CD96: variants seen among roughly 807,000 people sequenced by gnomAD.
CD96 encodes the protein T-cell surface protein tactile.
A neutral mutation model predicts 71.3 loss-of-function variants in CD96; 70 were observed. The observed-to-expected ratio is 0.98, with a 90% CI of 0.81 to 1.20. The LOEUF is 1.20. Ranked by LOEUF, CD96 falls within the 50% of genes most tolerant of loss-of-function variation. The pLI, the probability that CD96 is intolerant of heterozygous loss-of-function variation, is 0.00. For missense variants in CD96, 742 were observed against 677.5 expected (o/e 1.10, Z -1.06); for synonymous variants, 248 against 233.0 (o/e 1.06, Z -0.59).
chr3:111,665,493 T>C (rs1347158130), intron 14 of CD96: 2 of 152,094 alleles, frequency 1.3e-5, no homozygotes, highest in African/African-American at 4.8e-5. Context: ...AGTTCGCTGT[T>C]TTTATATCAT....
chr3:111,626,736 A>G, intron 10 of CD96, among the ~76,000 whole-genome samples: 1 of 152,226 alleles, frequency 6.6e-6, no homozygotes, highest in South Asian at 2.1e-4. Context: ...AAAATATAAT[A>G]TTAAAGAGCA....
chr3:111,665,523 C>G (rs1180174676), intron 14 of CD96: 1 of 152,106 alleles, frequency 6.6e-6, no homozygotes, highest in Non-Finnish European at 1.5e-5. Context: ...TTATTCTACC[C>G]TAGGTATTGG....
At chr3:111,616,085 C>T (rs925448166) in intron 8 of CD96, among the ~76,000 whole-genome samples, 1 of 152,052 alleles carries the variant, frequency 6.6e-6, no homozygotes, top group Non-Finnish European at 1.5e-5. Context: ...TTCCTGTTCC[C>T]CTTTTTTGGC....
chr3:111,655,873 A>G (rs954505794), downstream of CD96, among the ~76,000 whole-genome samples: 1 of 151,386 alleles, frequency 6.6e-6, no homozygotes, highest in Non-Finnish European at 1.5e-5. Flanking sequence ...GTACAGTTAT[A>G]GTATATAAAT....
At chr3:111,640,937 C>A (rs1190399380) in intron 12 of CD96, among the ~76,000 whole-genome samples, 2 of 152,112 alleles carry the variant, frequency 1.3e-5, no homozygotes, top group Non-Finnish European at 2.9e-5. Flanking sequence ...CAAACAAATC[C>A]TGGGAGAATT....
chr3:111,648,501 A>G (rs1229296246), intron 13 of CD96, among the ~76,000 whole-genome samples: 1 of 152,234 alleles, frequency 6.6e-6, no homozygotes, highest in East Asian at 1.9e-4. Flanking sequence ...TGGCCACCAC[A>G]TGACCTTGAG....
chr3:111,577,434 G>A (rs1199041422), intron 3 of CD96: 2 of 1,077,230 alleles, frequency 1.9e-6, no homozygotes, highest in African/African-American at 3.1e-5. Flanking sequence ...AATACTTAGA[G>A]CTCCTCTGGG....
At chr3:111,546,708 T>C (rs994114835) in intron 2 of CD96, among the ~76,000 whole-genome samples, 1 of 152,030 alleles carries the variant, frequency 6.6e-6, no homozygotes, top group Non-Finnish European at 1.5e-5. Context: ...GTGAAGGTCA[T>C]ATTAAAGGGG....
chr3:111,606,165 A>T (rs1249549095), intron 7 of CD96, among the ~76,000 whole-genome samples: 1 of 152,180 alleles, frequency 6.6e-6, no homozygotes, highest in African/African-American at 2.4e-5. Flanking sequence ...GCCAAACAAA[A>T]ATATTATGAC....
chr3:111,624,899 A>G (rs559738256), intron 10 of CD96, among the ~76,000 whole-genome samples: 9 of 152,390 alleles, frequency 5.9e-5, no homozygotes, highest in South Asian at 2.1e-4. Context: ...AACTAGCAGT[A>G]GAGTCTGTAA....
chr3:111,631,121 A>G (rs1163200101), intron 10 of CD96, among the ~76,000 whole-genome samples: 1 of 152,220 alleles, frequency 6.6e-6, no homozygotes, highest in Non-Finnish European at 1.5e-5. Flanking sequence ...TTTCTATTCA[A>G]CATAGTATTG....
intron 2 of CD96, among the ~76,000 whole-genome samples, chr3:111,562,964 C>G (rs1293001348): frequency 1.3e-5 from 2 of 152,212 alleles, no homozygotes; most frequent in Non-Finnish European, 2.9e-5. Flanking sequence ...TATCTTCTCA[C>G]AGTTCTGGAG....
rs77657844 is a variant in CD96, at chr3:111,636,109, C to T, written c.1322-1087C>T. Among the ~76,000 whole-genome samples the T allele has an allele frequency of 1.1e-4, 17 of 152,274 alleles. No individual in the cohort carries two copies. In the East Asian group the frequency reaches 1.2e-3, roughly 10 times the overall value. On this transcript the variant is annotated intron_variant, in intron 10 of 13. Coordinates refer to ENST00000352690, the MANE Select transcript of CD96 (RefSeq NM_005816.5). ...TTATATTGAAAATAAGAACAGCTCC[C>T]TGAACTCAGACTGAAAAAAAGCTGT...
chr3:111,624,612 A>G (rs1364854157), intron 10 of CD96, among the ~76,000 whole-genome samples: 4 of 152,254 alleles, frequency 2.6e-5, no homozygotes, highest in Non-Finnish European at 4.4e-5. Flanking sequence ...AAGGGGAGAC[A>G]GACAAGTGGT....
chr3:111,573,917 A>G (rs1936103226), intron 3 of CD96, among the ~76,000 whole-genome samples: 1 of 152,230 alleles, frequency 6.6e-6, no homozygotes, highest in African/African-American at 2.4e-5. Flanking sequence ...TGAAGTGCCA[A>G]CCAAACTACA....
At position 111,650,066 on chromosome 3, in the gene CD96, T is replaced by C. The variant is rs1226942032; in HGVS notation, c.*260T>C. The C allele has an allele frequency of 6.4e-6, 3 of 472,270 alleles. No homozygotes were observed. The highest frequency in any genetic ancestry group is 5.9e-5 in the African/African-American group (3 of 50,912). 29.3% of individuals were successfully genotyped at this position (472,270 alleles called of 1,614,324 possible). ...TTTTCTTGCTTATGTAAGAAGTACATATTAGTCTGCCATCTTTAAAAAAAA... is the reference window on the plus strand; with the variant it reads ...TTTTCTTGCTTATGTAAGAAGTACACATTAGTCTGCCATCTTTAAAAAAAA... On this transcript the variant is annotated 3_prime_UTR_variant, in exon 14 of 14. Transcript: ENST00000352690.
chr3:111,618,322 G>A lies in CD96; in HGVS notation c.1181-5432G>A, dbSNP rs76708917. ...GGCAAAGCAAGACCTCAAGGATCCC[G>A]TGACAATTTCACCTCTGTAGTAGTT... On this transcript the variant is annotated intron_variant, in intron 8 of 13. Coordinates refer to ENST00000352690, the MANE Select transcript of CD96 (RefSeq NM_005816.5). Among the ~76,000 whole-genome samples the A allele has an allele frequency of 8.0e-3, 1,212 of 152,282 alleles. 18 individuals are homozygous for A. Among genetic ancestry groups the A allele is most frequent in the African/African-American group, 0.027 (1,124 of 41,542 alleles).
chr3:111,593,821 G>C (rs143138825), intron 5 of CD96: 1 of 1,614,104 alleles, frequency 6.2e-7, no homozygotes, highest in Non-Finnish European at 8.5e-7. Flanking sequence ...GCTGGGGCCC[G>C]TGGGGCCTTG....
intron 1 of CD96, 90 bp downstream of exon 1, chr3:111,542,399 C>T (rs1934146470): frequency 3.1e-6 from 3 of 980,786 alleles, no homozygotes; most frequent in Non-Finnish European, 5.0e-6. Context: ...GTGACTGCTG[C>T]TGAAATTGAT....
Sources: allele counts gnomAD v4.1 joint callset (sites outside exome capture counted in the v4.1 genomes callset), GRCh38; gene constraint gnomAD v4.1.1; transcripts MANE v1.5; gene names NCBI Gene and HGNC (gene_info 2026-07-23, HGNC 2026-07-21).